Variants in CACNA2D2 observed in about 807,000 individuals in gnomAD.
CACNA2D2 encodes the protein voltage-dependent calcium channel subunit alpha-2/delta-2.
A neutral mutation model predicts 166.4 loss-of-function variants in CACNA2D2; 48 were observed. That is an observed-to-expected ratio of 0.29 (90% CI 0.23 to 0.37). CACNA2D2 has a LOEUF of 0.37. Ranked by LOEUF, CACNA2D2 falls within the 10% of genes least tolerant of loss-of-function variation. CACNA2D2 has a pLI of 1.00. For missense variants in CACNA2D2, 1,122 were observed against 1,433.0 expected (o/e 0.78, Z 3.50); for synonymous variants, 561 against 573.7 (o/e 0.98, Z 0.32).
chr3:50,393,696 CA>C (rs1176742523), intron 4 of CACNA2D2, among the ~76,000 whole-genome samples: 1 of 152,214 alleles, frequency 6.6e-6, no homozygotes. Context: ...TCAGGGAAGT[CA>C]GGGAAGGGAA....
intron 22 of CACNA2D2, chr3:50,372,999 G>A (rs1327226848): frequency 6.4e-6 from 8 of 1,248,850 alleles, no homozygotes; most frequent in Non-Finnish European, 8.7e-6. Flanking sequence ...AGGGAGGGGG[G>A]CAAGCAGGGG....
intron 2 of CACNA2D2, among the ~76,000 whole-genome samples, chr3:50,472,322 C>G (rs1397729417): frequency 6.6e-6 from 1 of 152,226 alleles, no homozygotes; most frequent in Admixed American, 6.5e-5. Context: ...CTGCCCTGAC[C>G]AGCGCGCAAG....
In CACNA2D2 at chr3:50,366,765, G is replaced by GT; in HGVS notation, c.2589+65dup. ...GTTGGAGCCACTGAGTGGAGGGTTG[G>GT]TGGGGGTTCCAGGGGACTCCAGGAA... On this transcript the variant is annotated intron_variant, in intron 29 of 37. Coordinates refer to ENST00000424201, the MANE Select transcript of CACNA2D2 (RefSeq NM_006030.4). This position sits in a 1 kb window ranked among gnomAD's most constrained non-coding sequence, Gnocchi z 5.9. The GT allele has an allele frequency of 6.4e-7, 1 of 1,566,376 alleles. No homozygotes were observed. The highest frequency in any genetic ancestry group is 1.4e-5 in the African/African-American group (1 of 74,028).
intron 13 of CACNA2D2, 22 bp downstream of exon 13, chr3:50,378,893 C>T (rs748003976): frequency 4.4e-5 from 71 of 1,612,340 alleles, no homozygotes; most frequent in Non-Finnish European, 5.7e-5. Context: ...AGGCCCCTGA[C>T]AGTGATGCGC....
intron 2 of CACNA2D2, among the ~76,000 whole-genome samples, chr3:50,437,481 T>A (rs778155316): frequency 6.6e-6 from 1 of 152,162 alleles, no homozygotes; most frequent in Non-Finnish European, 1.5e-5. Flanking sequence ...CAATCCCAAA[T>A]GAGCCCTTGA....
At chr3:50,474,080 G>A (rs763211904) in intron 2 of CACNA2D2, among the ~76,000 whole-genome samples, 3 of 152,186 alleles carry the variant, frequency 2.0e-5, no homozygotes, top group Non-Finnish European at 4.4e-5. Flanking sequence ...AGGGGAAGTG[G>A]AGCCACAGCC....
At chr3:50,488,697 T>C (rs1043883586) in intron 1 of CACNA2D2, among the ~76,000 whole-genome samples, 7 of 151,544 alleles carry the variant, frequency 4.6e-5, no homozygotes, top group African/African-American at 1.7e-4. Context: ...TGGTGTTTTT[T>C]TTTTGTTTGT....
At position 50,367,330 on chromosome 3, in the gene CACNA2D2, G is replaced by A; in HGVS notation, c.2401+64C>T. 6.9e-7 allele frequency: 1 copy of A among 1,454,802 alleles called. No individual in the cohort carries two copies. Among genetic ancestry groups the A allele is most frequent in the Non-Finnish European group, 9.6e-7 (1 of 1,041,148 alleles). 90.1% of individuals were successfully genotyped at this position (1,454,802 alleles called of 1,614,324 possible). ...GCCTCAGACAGCAGAGCCCAGTTCTGGCTGAGCAGACAGGGAAGCTGAGGC... is the reference window on the plus strand; with the variant it reads ...GCCTCAGACAGCAGAGCCCAGTTCTAGCTGAGCAGACAGGGAAGCTGAGGC... On this transcript the variant is annotated intron_variant, in intron 27 of 37. Transcript: ENST00000424201. This position sits in a 1 kb window ranked among gnomAD's most constrained non-coding sequence, Gnocchi z 6.5.
intron 5 of CACNA2D2, among the ~76,000 whole-genome samples, chr3:50,386,914 G>C (rs780429961): frequency 1.2e-4 from 18 of 152,148 alleles, no homozygotes; most frequent in Admixed American, 1.2e-3. Context: ...TCAGACACTC[G>C]TCTTCTCTAC....
intron 1 of CACNA2D2, among the ~76,000 whole-genome samples, chr3:50,501,286 C>G (rs1468040823): frequency 6.6e-6 from 1 of 152,182 alleles, no homozygotes; most frequent in Non-Finnish European, 1.5e-5. Context: ...TCTGCGGGAC[C>G]AGGGCAGCTG....
At chr3:50,502,778 C>G (rs1413157598) in intron 1 of CACNA2D2, among the ~76,000 whole-genome samples, 2 of 152,274 alleles carry the variant, frequency 1.3e-5, no homozygotes, top group African/African-American at 4.8e-5. Flanking sequence ...TCCCTCACCT[C>G]TGGCTGTAAA....
intron 3 of CACNA2D2, among the ~76,000 whole-genome samples, chr3:50,407,648 C>CT (rs1273542309): frequency 5.9e-5 from 9 of 152,218 alleles, no homozygotes; most frequent in Non-Finnish European, 1.2e-4. Context: ...TCCTGATAAC[C>CT]TCCTCCCTAA....
chr3:50,464,272 C>A (rs908780097), intron 2 of CACNA2D2, among the ~76,000 whole-genome samples: 3 of 152,356 alleles, frequency 2.0e-5, no homozygotes, highest in East Asian at 1.9e-4. Context: ...GTGGAGGAGG[C>A]AGGTCAACTA....
At position 50,378,025 on chromosome 3, in the gene CACNA2D2, C is replaced by T. The variant is rs749986337; in HGVS notation, c.1462G>A (p.Val488Met). ...GGCCTTACCAGTGCATCCTCATACACGTTGGTCCACTGCACCTGCTTGGCC... is the reference window on the plus strand; with the variant it reads ...GGCCTTACCAGTGCATCCTCATACATGTTGGTCCACTGCACCTGCTTGGCC... ...KEAKQVQWTN[V>M]YEDALGLGLV... The change falls in exon 15 of 38, where the codon GTG becomes ATG. Residue 488 changes from valine to methionine, a missense_variant. By Grantham distance (21) the Val-to-Met change is conservative. This residue lies in a region of CACNA2D2 where 840 missense variants were observed against 1,166.8 expected (regional missense o/e 0.72). Coordinates refer to ENST00000424201, the MANE Select transcript of CACNA2D2 (RefSeq NM_006030.4). 9 of 1,613,598 alleles carry T rather than the reference C, an allele frequency of 5.6e-6. No homozygotes were observed. In the Admixed American group the frequency reaches 6.7e-5, roughly 12 times the overall value.
chr3:50,441,548 G>A (rs540780290), intron 2 of CACNA2D2, among the ~76,000 whole-genome samples: 1 of 152,368 alleles, frequency 6.6e-6, no homozygotes, highest in Admixed American at 6.5e-5. Context: ...ACCTCCCTGT[G>A]CTTGCCCCTG....
intron 3 of CACNA2D2, among the ~76,000 whole-genome samples, chr3:50,394,458 C>T (rs571965329): frequency 4.6e-5 from 7 of 152,352 alleles, no homozygotes; most frequent in African/African-American, 1.7e-4. Context: ...TAGTGTCACT[C>T]TCTACCCCCG....
chr3:50,447,624 C>G, intron 2 of CACNA2D2, among the ~76,000 whole-genome samples: 1 of 152,188 alleles, frequency 6.6e-6, no homozygotes, highest in East Asian at 1.9e-4. Context: ...CAGTCCGCCC[C>G]TGGGGCCTGC....
At chr3:50,435,614 G>A (rs573290630) in intron 2 of CACNA2D2, among the ~76,000 whole-genome samples, 8 of 141,116 alleles carry the variant, frequency 5.7e-5, no homozygotes, top group African/African-American at 2.1e-4. Flanking sequence ...AGAAGGCAGG[G>A]AGATAAGACC....
chr3:50,385,195 G>A (rs1705528924), intron 5 of CACNA2D2, among the ~76,000 whole-genome samples: 1 of 152,206 alleles, frequency 6.6e-6, no homozygotes, highest in Non-Finnish European at 1.5e-5. Context: ...GGGGAGGGGA[G>A]GGAAGATGGT....
Sources: gnomAD v4.1 joint callset for allele counts (sites outside exome capture counted in the v4.1 genomes callset) on GRCh38, gnomAD v4.1.1 for gene constraint, gnomAD v4.1.1 regional missense constraint, Gnocchi (gnomAD v3.1) non-coding constraint, MANE v1.5 for transcripts, NCBI Gene and HGNC (gene_info 2026-07-23, HGNC 2026-07-21) for gene names.